Variants in PCDHGA1 observed in about 807,000 individuals in gnomAD.
PCDHGA1 encodes the protein protocadherin gamma subfamily A, 1.
Under a neutral mutation model 58.0 loss-of-function variants are expected in PCDHGA1, and 32 were observed. The observed-to-expected ratio is 0.55, with a 90% CI of 0.42 to 0.74. The LOEUF (loss-of-function observed/expected upper bound fraction) is 0.74. Among genes scored for constraint, PCDHGA1 ranks in the 30% least tolerant of loss-of-function variants. The pLI is 0.00. For synonymous variants in PCDHGA1, 498 were observed against 501.1 expected, an observed-to-expected ratio of 0.99 and a Z score of 0.08; for missense variants, 1,205 against 1,182.3, an observed-to-expected ratio of 1.02 and a Z score of -0.28.
At chr5:141,474,847 GC>G (rs1357496937) in intron 1 of PCDHGA1, among the ~76,000 whole-genome samples, 1 of 152,198 alleles carries the variant, frequency 6.6e-6, no homozygotes, top group East Asian at 1.9e-4. Context: ...CACTTTACCT[GC>G]CTTCTTCATT....
At chr5:141,385,603 T>G (rs968822799) in intron 1 of PCDHGA1, 19 of 1,190,040 alleles carry the variant, frequency 1.6e-5, no homozygotes, top group Non-Finnish European at 2.0e-5. Flanking sequence ...CTTTCTTAAC[T>G]CATATATTTT....
chr5:141,407,123 C>T (rs1271155338), intron 1 of PCDHGA1, among the ~76,000 whole-genome samples: 2 of 152,078 alleles, frequency 1.3e-5, no homozygotes, highest in East Asian at 3.8e-4. Context: ...GTTTCAGTTG[C>T]TTTATTTTTA....
chr5:141,422,922 C>T (rs1244444241), intron 1 of PCDHGA1: 1 of 1,614,130 alleles, frequency 6.2e-7, no homozygotes, highest in Non-Finnish European at 8.5e-7. Flanking sequence ...AGATCCTGTA[C>T]CCTGCCCTCC....
intron 1 of PCDHGA1, chr5:141,372,201 T>C: frequency 6.2e-7 from 1 of 1,613,588 alleles, no homozygotes; most frequent in Non-Finnish European, 8.5e-7. Flanking sequence ...ATACAACGCC[T>C]GGCTGTCCTA....
At chr5:141,404,811 G>A (rs2094571358) in intron 1 of PCDHGA1, 1 of 1,606,238 alleles carries the variant, frequency 6.2e-7, no homozygotes, top group African/African-American at 1.4e-5. Flanking sequence ...TTCTCGGTGG[G>A]GCTGCACACA....
chr5:141,494,676 C>G, intron 1 of PCDHGA1, 131 bp from the exon 2 acceptor site: 1 of 1,550,918 alleles, frequency 6.4e-7, no homozygotes, highest in African/African-American at 1.4e-5. Context: ...GAGTCCACCC[C>G]TGCCCCCTCT....
chr5:141,350,914 T>C, intron 1 of PCDHGA1: 1 of 1,614,086 alleles, frequency 6.2e-7, no homozygotes, highest in South Asian at 1.1e-5. Context: ...GGGACCCGCC[T>C]CTAAGCGGCA....
chr5:141,361,135 C>T (rs535070372), intron 1 of PCDHGA1: 3 of 1,613,388 alleles, frequency 1.9e-6, no homozygotes, highest in Non-Finnish European at 2.5e-6. Context: ...CTGCAGTATC[C>T]AAGTTGAAAT....
At chr5:141,422,812 T>A in intron 1 of PCDHGA1, 1 of 1,614,206 alleles carries the variant, frequency 6.2e-7, no homozygotes, top group Non-Finnish European at 8.5e-7. Context: ...GTTTCGAGAC[T>A]TAGAACTGAG....
At chr5:141,452,954 T>A (rs1315313825) in intron 1 of PCDHGA1, among the ~76,000 whole-genome samples, 5 of 152,220 alleles carry the variant, frequency 3.3e-5, no homozygotes, top group Non-Finnish European at 1.5e-5. Context: ...ATTGGTTGTC[T>A]TTAAACTGAG....
intron 1 of PCDHGA1, chr5:141,414,601 T>A: frequency 6.2e-7 from 1 of 1,613,944 alleles, no homozygotes; most frequent in Non-Finnish European, 8.5e-7. Flanking sequence ...TGCCTCCATC[T>A]TCTCAGTGAC....
intron 1 of PCDHGA1, chr5:141,421,806 A>C (rs1027166084): frequency 4.3e-6 from 7 of 1,613,724 alleles, no homozygotes; most frequent in Non-Finnish European, 5.1e-6. Flanking sequence ...CCAAGAATCC[A>C]GAGCTAGTAC....
chr5:141,407,159 A>G (rs1349203478), intron 1 of PCDHGA1, among the ~76,000 whole-genome samples: 1 of 152,232 alleles, frequency 6.6e-6, no homozygotes, highest in Non-Finnish European at 1.5e-5. Context: ...AGTGTCTGGG[A>G]ATCCTTTATG....
In PCDHGA1 at chr5:141,489,153, G is replaced by A; in HGVS notation, c.2422-5654G>A. The A allele has an allele frequency of 1.1e-6, 1 of 935,832 alleles. No homozygotes were observed. The highest frequency in any genetic ancestry group is 1.6e-6 in the Non-Finnish European group (1 of 627,178). 58.0% of individuals were successfully genotyped at this position (935,832 alleles called of 1,614,324 possible). A position where few individuals can be genotyped will look rare whatever the true frequency, so the allele number is the denominator to read the frequency against. ...TTTAAGAGGCTGGAAGGAGACATAA[G>A]AGACTTCAGCTGCTGCATTCCAAGC... On this transcript the variant is annotated intron_variant, in intron 1 of 3. Coordinates refer to ENST00000517417, the MANE Select transcript of PCDHGA1 (RefSeq NM_018912.3). This position sits in a 1 kb window ranked among gnomAD's most constrained non-coding sequence, Gnocchi z 4.5.
chr5:141,438,619 TATATATATATATATATACAC>T (rs1310378007), intron 1 of PCDHGA1, among the ~76,000 whole-genome samples: 16 of 39,678 alleles, frequency 4.0e-4, no homozygotes, highest in African/African-American at 1.2e-3. Flanking sequence ...TATATATATA[TATATATATATATATATACAC>T]ACACACACAC....
In PCDHGA1 at chr5:141,432,220, C is replaced by A. The variant is rs949257429; in HGVS notation, c.2422-62587C>A. ...CCGACTGTGAAGAGAACGCCCAGAT[C>A]ACTTATTCCCTGGCTGAGAACACCA... On this transcript the variant is annotated intron_variant, in intron 1 of 3. Coordinates refer to ENST00000517417, the MANE Select transcript of PCDHGA1 (RefSeq NM_018912.3). This position sits in a 1 kb window ranked among gnomAD's most constrained non-coding sequence, Gnocchi z 6.0. The A allele has an allele frequency of 2.5e-6, 4 of 1,614,246 alleles. No homozygotes were observed. The highest frequency in any genetic ancestry group is 1.6e-4 in the Middle Eastern group (1 of 6,062).
At chr5:141,424,491 G>T (rs2096824224) in intron 1 of PCDHGA1, 1 of 152,122 alleles carries the variant, frequency 6.6e-6, no homozygotes, top group South Asian at 2.1e-4. Context: ...GTCTGTGTTT[G>T]TATGTATGGA....
chr5:141,395,055 G>T, intron 1 of PCDHGA1: 1 of 1,614,178 alleles, frequency 6.2e-7, no homozygotes, highest in African/African-American at 1.3e-5. Context: ...GGAGGTACAG[G>T]CTTTCCTGCA....
chr5:141,374,436 C>T, intron 1 of PCDHGA1: 3 of 1,613,872 alleles, frequency 1.9e-6, no homozygotes, highest in Non-Finnish European at 2.5e-6. Context: ...AATCTTTATC[C>T]CGTGGAAGTG....
Sources: gnomAD v4.1 joint callset for allele counts (sites outside exome capture counted in the v4.1 genomes callset) on GRCh38, gnomAD v4.1.1 for gene constraint, Gnocchi (gnomAD v3.1) non-coding constraint, MANE v1.5 for transcripts, NCBI Gene and HGNC (gene_info 2026-07-23, HGNC 2026-07-21) for gene names.